SBNO2: variants seen among roughly 807,000 people sequenced by gnomAD.
SBNO2 encodes protein strawberry notch homolog 2.
Under a neutral mutation model 146.3 loss-of-function variants are expected in SBNO2, and 89 were observed. That is an observed-to-expected ratio of 0.61 (90% CI 0.51 to 0.73). SBNO2 has a LOEUF of 0.73. SBNO2 is among the 30% of genes least tolerant of loss of function. The pLI, the probability that SBNO2 is intolerant of heterozygous loss-of-function variation, is 0.00. For synonymous variants in SBNO2, 1,147 were observed against 892.6 expected (o/e 1.29, Z -5.08); for missense variants, 2,092 against 2,003.7 (o/e 1.04, Z -0.84).
At chr19:1,124,208 C>T (rs145994140) in intron 5 of SBNO2, 186 bp from the exon 6 acceptor site, 304 of 631,438 alleles carry the variant, frequency 4.8e-4, no homozygotes, top group Admixed American at 1.1e-3. Context: ...TCCCAAGCCT[C>T]CCCAGTGGGC....
At chr19:1,163,535 A>G (rs2080370568) in intron 1 of SBNO2, among the ~76,000 whole-genome samples, 3 of 152,162 alleles carry the variant, frequency 2.0e-5, no homozygotes, top group Non-Finnish European at 4.4e-5. Flanking sequence ...GACTCCCGTG[A>G]GCACGAGGAC....
At chr19:1,170,602 G>C (rs536575679) in intron 1 of SBNO2, among the ~76,000 whole-genome samples, 9 of 152,102 alleles carry the variant, frequency 5.9e-5, no homozygotes, top group African/African-American at 1.9e-4. Flanking sequence ...TTCCAGGCCT[G>C]CCCGCAACAA....
intron 17 of SBNO2, 159 bp downstream of exon 17, chr19:1,115,862 T>C: frequency 1.4e-6 from 1 of 689,784 alleles, no homozygotes; most frequent in South Asian, 1.5e-5. Flanking sequence ...ACGCAAGACC[T>C]GCCACTGGCA....
rs141256225 is a variant in SBNO2 at position 1,129,671 on chromosome 19, C to T, written c.280-1906G>A. Among the ~76,000 whole-genome samples the T allele has an allele frequency of 2.1e-3, 319 of 152,320 alleles. 1 individual carries two copies. Among genetic ancestry groups the T allele is most frequent in the African/African-American group, 7.4e-3 (307 of 41,570 alleles). ...ACGCTGACCTGTGGCCCGGACCCTC[C>T]GTGGAAGCATTTCCCGGGCAAGGTC... On this transcript the variant is annotated intron_variant, in intron 4 of 31. Coordinates refer to ENST00000361757, the MANE Select transcript of SBNO2 (RefSeq NM_014963.3).
chr19:1,109,294 G>T lies in SBNO2; in HGVS notation c.3346C>A (p.Arg1116=), dbSNP rs376424828. ...ALDSLRRKFH[R]VTAEEAKEPW... is the part of the protein sequence containing the mutation. ...AGCTGCGCCCGGCGGCCGCCTACCC[G>T]GTGGAACTTGCGGCGGAGGCTGTCC... The change falls in exon 29 of 32, where the codon CGG becomes AGG. Residue 1116 remains arginine, a splice_region_variant and synonymous_variant. Transcript: ENST00000361757. The surrounding 1 kb of genome is among the most constrained non-coding windows in gnomAD (Gnocchi z 4.2). 3 of 1,593,926 alleles carry T rather than the reference G, an allele frequency of 1.9e-6. No homozygotes were observed. The Admixed American group carries it at 5.2e-5, about 28-fold the overall frequency.
intron 2 of SBNO2, among the ~76,000 whole-genome samples, chr19:1,153,891 C>T (rs76334536): frequency 0.052 from 7,937 of 152,226 alleles, 372 homozygotes; most frequent in East Asian, 0.25. Context: ...AAAGTTGAGC[C>T]CCCCCTACAG....
At chr19:1,132,248 C>A (rs1347802179) in intron 4 of SBNO2, 15 of 1,308,392 alleles carry the variant, frequency 1.1e-5, no homozygotes, top group Non-Finnish European at 1.4e-5. Context: ...ACGGGGGCGG[C>A]TCTCCGCCCG....
rs1568619433 is a variant in SBNO2 at position 1,149,456 on chromosome 19, CGGGCATCAGTGAGT to C, written c.94-28_94-15del. On this transcript the variant is annotated splice_polypyrimidine_tract_variant and intron_variant, in intron 2 of 31. Coordinates refer to ENST00000361757, the MANE Select transcript of SBNO2 (RefSeq NM_014963.3). ...CAGCATGGCGCTCTAGAAGAGACAGCGGGCATCAGTGAGTGGGAAGCAGAGGACCTGCGGTGCAG... is the reference window on the plus strand; with the variant it reads ...CAGCATGGCGCTCTAGAAGAGACAGCGGGAAGCAGAGGACCTGCGGTGCAG... 4 of 1,549,988 alleles carry C rather than the reference CGGGCATCAGTGAGT, an allele frequency of 2.6e-6. No individual in the cohort carries two copies. The Admixed American group carries it at 7.8e-5, about 30-fold the overall frequency.
rs929611186 is a variant in SBNO2 at position 1,136,370 on chromosome 19, C to G, written c.280-8605G>C. 3.9e-5 allele frequency among the ~76,000 whole-genome samples: 6 copies of G among 152,346 alleles called. No homozygotes were observed. Among genetic ancestry groups the G allele is most frequent in the African/African-American group, 1.4e-4 (6 of 41,588 alleles). ...TCCGGCCAGGTGCCTGGTATGGGCC[C>G]TGGGGCCGCCGCCTCAGTGTCTTCT... On this transcript the variant is annotated intron_variant, in intron 4 of 31. Transcript: ENST00000361757. This position sits in a 1 kb window ranked among gnomAD's most constrained non-coding sequence, Gnocchi z 4.2.
Position 1,140,733 on chromosome 19 carries a change from C to A in SBNO2, c.279+6576G>T, listed in dbSNP as rs2080127670. On this transcript the variant is annotated intron_variant, in intron 4 of 31. Transcript: ENST00000361757. The surrounding 1 kb of genome is among the most constrained non-coding windows in gnomAD (Gnocchi z 4.4). ...CAGCAGGGATGCCCGCAGGCAGCTCCCACGGGCAGAGGCTGCTGACCCCGC... is the reference window on the plus strand; with the variant it reads ...CAGCAGGGATGCCCGCAGGCAGCTCACACGGGCAGAGGCTGCTGACCCCGC... Among the ~76,000 whole-genome samples the A allele has an allele frequency of 6.6e-6, 1 of 152,182 alleles. No individual in the cohort carries two copies. The highest frequency in any genetic ancestry group is 2.1e-4 in the South Asian group (1 of 4,836).
Position 1,136,601 on chromosome 19 carries a change from A to C in SBNO2, c.280-8836T>G, listed in dbSNP as rs1262634948. Among the ~76,000 whole-genome samples, 1 of 152,172 alleles carries C rather than the reference A, an allele frequency of 6.6e-6. No individual in the cohort carries two copies. On this transcript the variant is annotated intron_variant, in intron 4 of 31. Coordinates refer to ENST00000361757, the MANE Select transcript of SBNO2 (RefSeq NM_014963.3). This position sits in a 1 kb window ranked among gnomAD's most constrained non-coding sequence, Gnocchi z 4.2. ...TCTTGGCCTTGGCTGGGTGTGAACC[A>C]AAGACTTCCTGTAAGAAATCCCCCT...
Position 1,154,387 on chromosome 19 carries a change from G to A in SBNO2, c.-111C>T, listed in dbSNP as rs1216356169. ...TTCTCGCTCCGTGGTGGCGGCGGTG[G>A]CGGCAGCATCATGATCTGCAGAGGG... On this transcript the variant is annotated 5_prime_UTR_variant, in exon 2 of 32. Coordinates refer to ENST00000361757, the MANE Select transcript of SBNO2 (RefSeq NM_014963.3). 8.2e-6 allele frequency: 4 copies of A among 485,262 alleles called. No homozygotes were observed. The highest frequency in any genetic ancestry group is 2.0e-5 in the African/African-American group (1 of 49,828). The allele number at this position is 485,262 out of a possible 1,614,324, so 30.1% of individuals were successfully genotyped here. A position where few individuals can be genotyped will look rare whatever the true frequency, so the allele number is the denominator to read the frequency against.
chr19:1,150,623 G>A lies in SBNO2; in HGVS notation c.94-1181C>T, dbSNP rs1337207360. Among the ~76,000 whole-genome samples, 1 of 152,114 alleles carries A rather than the reference G, an allele frequency of 6.6e-6. No homozygotes were observed. ...TCATCCTGCTTATCCCAGCAGGACT[G>A]GGGGCCACGCTGGCTTCCAGAACAG... On this transcript the variant is annotated intron_variant, in intron 2 of 31. Coordinates refer to ENST00000361757, the MANE Select transcript of SBNO2 (RefSeq NM_014963.3). The surrounding 1 kb of genome is among the most constrained non-coding windows in gnomAD (Gnocchi z 6.2).
intron 1 of SBNO2, among the ~76,000 whole-genome samples, chr19:1,162,261 C>T (rs2080355098): frequency 3.2e-4 from 1 of 3,138 alleles, no homozygotes; most frequent in South Asian, 7.2e-3. Flanking sequence ...AGATCGAGAC[C>T]AGCCTGGCTA....
In SBNO2 at chr19:1,109,179, C is replaced by CT. The variant is rs1252404371; in HGVS notation, c.3380dup (p.Ser1128GlufsTer26). ...GCGTCAGCGACAAAGCGTAGCCACTCTCCCAGGGCTCCTTGGCCTCCTCCG... is the reference window on the plus strand; with the variant it reads ...GCGTCAGCGACAAAGCGTAGCCACTCTTCCCAGGGCTCCTTGGCCTCCTCCG... On this transcript the variant is annotated frameshift_variant, in exon 30 of 32. Transcript: ENST00000361757. LOFTEE classifies it high-confidence loss of function. The surrounding 1 kb of genome is among the most constrained non-coding windows in gnomAD (Gnocchi z 4.2). The CT allele has an allele frequency of 6.4e-7, 1 of 1,561,036 alleles. No individual in the cohort carries two copies. Among genetic ancestry groups the CT allele is most frequent in the African/African-American group, 1.4e-5 (1 of 73,512 alleles).
Position 1,135,045 on chromosome 19 carries a change from C to CAAAA in SBNO2, c.280-7284_280-7281dup, listed in dbSNP as rs201799961. Among the ~76,000 whole-genome samples, 38 of 51,278 alleles carry CAAAA rather than the reference C, an allele frequency of 7.4e-4. 1 individual carries two copies. The highest frequency in any genetic ancestry group is 2.9e-3 in the African/African-American group (37 of 12,666). The allele number at this position is 51,278 out of a possible 152,430, so 33.6% of individuals were successfully genotyped here. ...TGGGCAACAGAGCAAGACTCTGTCT[C>CAAAA]AAAAAAAAAAAAAAAAAAAAAAAAG... On this transcript the variant is annotated intron_variant, in intron 4 of 31. Coordinates refer to ENST00000361757, the MANE Select transcript of SBNO2 (RefSeq NM_014963.3).
At position 1,122,192 on chromosome 19, in the gene SBNO2, G is replaced by A. The variant is rs746705782; in HGVS notation, c.1096C>T (p.Arg366Cys). 9.0e-6 allele frequency: 14 copies of A among 1,548,462 alleles called. No individual in the cohort carries two copies. The highest frequency in any genetic ancestry group is 1.7e-4 in the Middle Eastern group (1 of 5,948). Residue 366 changes from arginine to cysteine, a missense_variant, in exon 11 of 32, where the codon CGC becomes TGC. Arg to Cys is a radical substitution (Grantham distance 180, BLOSUM62 -3). Coordinates refer to ENST00000361757, the MANE Select transcript of SBNO2 (RefSeq NM_014963.3). ...TCCAGGATCTGCCGGAGGCGAGTGC[G>A]GTGCTGGCCGCCGGCCTGGCTCTCC... The part of the protein sequence containing the change: ...IGESQAGGQH[R>C]TRLRQILDWC...
chr19:1,145,432 C>T (rs2080180644), intron 4 of SBNO2, among the ~76,000 whole-genome samples: 1 of 147,746 alleles, frequency 6.8e-6, no homozygotes, highest in Admixed American at 6.7e-5. Context: ...AAGATCGTGC[C>T]ATTGCACTCC....
intron 15 of SBNO2, 65 bp downstream of exon 15, chr19:1,117,258 A>G: frequency 2.1e-6 from 3 of 1,458,222 alleles, no homozygotes; most frequent in Non-Finnish European, 2.8e-6. Flanking sequence ...AGGACCTGGA[A>G]GAAGAGCAGC....
Sources: gnomAD v4.1 joint callset for allele counts (sites outside exome capture counted in the v4.1 genomes callset) on GRCh38, gnomAD v4.1.1 for gene constraint, Gnocchi (gnomAD v3.1) non-coding constraint, MANE v1.5 for transcripts, NCBI Gene and HGNC (gene_info 2026-07-23, HGNC 2026-07-21) for gene names.